AK5: variants seen among roughly 807,000 people sequenced by gnomAD.
AK5 encodes the protein adenylate kinase isoenzyme 5.
A neutral mutation model predicts 69.5 loss-of-function variants in AK5; 27 were observed. The ratio of observed to expected loss-of-function variants is 0.39; its 90% CI spans 0.29 to 0.54. The LOEUF (loss-of-function observed/expected upper bound fraction) is 0.54. Ranked by LOEUF, AK5 falls within the 20% of genes least tolerant of loss-of-function variation. The pLI is 0.71. For missense variants in AK5, 531 were observed against 700.4 expected, an observed-to-expected ratio of 0.76 and a Z score of 2.73; for synonymous variants, 260 against 244.4, an observed-to-expected ratio of 1.06 and a Z score of -0.60.
At position 77,317,725 on chromosome 1, in the gene AK5, G is replaced by A. The variant is rs1002883984; in HGVS notation, c.699+19778G>A. Reference sequence around the variant, plus strand: ...ACCACTGCCATTAGTTCACCCCTTTGATTGAAAACCTTTCATGACAATTAT... The same window carrying A: ...ACCACTGCCATTAGTTCACCCCTTTAATTGAAAACCTTTCATGACAATTAT... On this transcript the variant is annotated intron_variant, in intron 5 of 13. Transcript: ENST00000354567. Among the ~76,000 whole-genome samples, 4 of 152,086 alleles carry A rather than the reference G, an allele frequency of 2.6e-5. 1 individual carries two copies. Among genetic ancestry groups the A allele is most frequent in the Non-Finnish European group, 5.9e-5 (4 of 68,012 alleles).
chr1:77,317,076 G>A (rs7514177), intron 5 of AK5, among the ~76,000 whole-genome samples: 54,005 of 152,018 alleles, frequency 0.36, 9,879 homozygotes, highest in South Asian at 0.47. Context: ...ACTCAGCATC[G>A]CTTTTGAGGT....
intron 10 of AK5, among the ~76,000 whole-genome samples, chr1:77,490,092 G>A (rs1374114994): frequency 6.6e-6 from 1 of 152,164 alleles, no homozygotes; most frequent in Non-Finnish European, 1.5e-5. Context: ...TTGGAATAAT[G>A]AATTCTTTAA....
intron 1 of AK5, 178 bp downstream of exon 1, chr1:77,282,551 T>A: frequency 1.5e-6 from 2 of 1,373,624 alleles, no homozygotes; most frequent in South Asian, 3.6e-5. Context: ...GTTGCCAGGG[T>A]CCTTGTCAGA....
intron 10 of AK5, among the ~76,000 whole-genome samples, chr1:77,503,205 A>G (rs983219736): frequency 2.0e-5 from 3 of 152,236 alleles, no homozygotes; most frequent in African/African-American, 4.8e-5. Context: ...AATTAAGACT[A>G]CTAAAAACCA....
intron 13 of AK5, among the ~76,000 whole-genome samples, chr1:77,546,424 G>C (rs1659547005): frequency 6.6e-6 from 1 of 152,080 alleles, no homozygotes; most frequent in Non-Finnish European, 1.5e-5. Flanking sequence ...CTTAATGTTG[G>C]GAATTCATAG....
At chr1:77,336,608 A>G (rs59106648) in intron 5 of AK5, among the ~76,000 whole-genome samples, 10,241 of 152,218 alleles carry the variant, frequency 0.067, 433 homozygotes, top group Non-Finnish European at 0.085. Context: ...CAGCTACAGT[A>G]TTATAATATT....
intron 5 of AK5, among the ~76,000 whole-genome samples, chr1:77,333,119 C>T (rs891297329): frequency 9.9e-5 from 15 of 152,084 alleles, no homozygotes; most frequent in African/African-American, 2.4e-4. Flanking sequence ...TATAGTTTTA[C>T]GAGCTTTCTG....
chr1:77,540,434 C>A (rs1422516709), intron 13 of AK5: 3 of 152,270 alleles, frequency 2.0e-5, no homozygotes, highest in African/African-American at 7.2e-5. Context: ...CATGGCACTT[C>A]CTACCAAGTC....
At chr1:77,367,228 T>TGG (rs1646965832) in intron 6 of AK5, among the ~76,000 whole-genome samples, 1 of 151,544 alleles carries the variant, frequency 6.6e-6, no homozygotes, top group African/African-American at 2.4e-5. Flanking sequence ...GGGTTTTTTT[T>TGG]GGGGGGAGGG....
chr1:77,547,449 T>A (rs1225465482), intron 13 of AK5, among the ~76,000 whole-genome samples: 3 of 152,058 alleles, frequency 2.0e-5, no homozygotes, highest in African/African-American at 7.2e-5. Flanking sequence ...AATTTTTGTA[T>A]TTTTAGTAGA....
intron 8 of AK5, among the ~76,000 whole-genome samples, chr1:77,475,972 T>G (rs1654912571): frequency 6.6e-6 from 1 of 152,096 alleles, no homozygotes; most frequent in Non-Finnish European, 1.5e-5. Context: ...GTGAGAAAAT[T>G]TTTTTCTTTA....
At position 77,466,869 on chromosome 1, in the gene AK5, G is replaced by A. The variant is rs770781171; in HGVS notation, c.1060-16448G>A. On this transcript the variant is annotated intron_variant, in intron 8 of 13. Coordinates refer to ENST00000354567, the MANE Select transcript of AK5 (RefSeq NM_174858.3). The stretch of plus-strand genomic sequence containing the variant: ...GTTTTCAACACATGAGTCTTGGAGG[G>A]GACCAAAACATTCAAACCATAGCAA... 1.3e-5 allele frequency among the ~76,000 whole-genome samples: 2 copies of A among 152,106 alleles called. 1 individual carries two copies. Among genetic ancestry groups the A allele is most frequent in the Non-Finnish European group, 2.9e-5 (2 of 68,018 alleles).
At chr1:77,310,960 C>T (rs1310108594) in intron 5 of AK5, among the ~76,000 whole-genome samples, 2 of 151,900 alleles carry the variant, frequency 1.3e-5, no homozygotes, top group Non-Finnish European at 2.9e-5. Context: ...TAAATATAAT[C>T]GTTTATAGGT....
chr1:77,503,376 T>G (rs1656837071), intron 10 of AK5, among the ~76,000 whole-genome samples: 1 of 152,204 alleles, frequency 6.6e-6, no homozygotes, highest in African/African-American at 2.4e-5. Context: ...TTGGAAGGTT[T>G]GTGAAAAATT....
intron 10 of AK5, among the ~76,000 whole-genome samples, chr1:77,495,814 A>T (rs1349280816): frequency 2.6e-5 from 4 of 151,794 alleles, no homozygotes; most frequent in Non-Finnish European, 5.9e-5. Context: ...TGGAGGGGGA[A>T]AATCCTACAC....
chr1:77,427,749 C>T (rs1189042634), intron 8 of AK5, among the ~76,000 whole-genome samples: 3 of 152,182 alleles, frequency 2.0e-5, no homozygotes, highest in African/African-American at 7.2e-5. Flanking sequence ...TAACATCATA[C>T]TTAATGATGA....
chr1:77,300,831 T>C (rs1659300780), intron 5 of AK5, among the ~76,000 whole-genome samples: 1 of 152,208 alleles, frequency 6.6e-6, no homozygotes, highest in Non-Finnish European at 1.5e-5. Context: ...TATAATTCAC[T>C]GCAGTGACTC....
intron 5 of AK5, among the ~76,000 whole-genome samples, chr1:77,322,472 G>A (rs1473007201): frequency 1.3e-5 from 2 of 152,024 alleles, no homozygotes; most frequent in African/African-American, 2.4e-5. Context: ...GCAAACCTAG[G>A]CAAACAGAAG....
intron 6 of AK5, among the ~76,000 whole-genome samples, chr1:77,367,579 A>ATATATATATATATATGCT (rs71075732): frequency 1.9e-5 from 1 of 53,364 alleles, no homozygotes; most frequent in Non-Finnish European, 3.1e-5. Context: ...ATATATATAT[A>ATATATATATATATATGCT]ATATATATGT....
Sources: allele counts gnomAD v4.1 joint callset (sites outside exome capture counted in the v4.1 genomes callset), GRCh38; gene constraint gnomAD v4.1.1; transcripts MANE v1.5; gene names NCBI Gene and HGNC (gene_info 2026-07-23, HGNC 2026-07-21).